Variants in PRKCE observed in about 807,000 individuals in gnomAD.
PRKCE encodes protein kinase C epsilon.
In PRKCE, 16 loss-of-function variants were observed where a neutral mutation model predicts 85.4. The observed-to-expected ratio is 0.19, with a 90% CI of 0.13 to 0.28. PRKCE has a LOEUF of 0.28. Ranked by LOEUF, PRKCE falls within the 10% of genes least tolerant of loss-of-function variation. PRKCE has a pLI of 1.00. For synonymous variants in PRKCE, 388 were observed against 371.5 expected (o/e 1.04, Z -0.51); for missense variants, 573 against 975.2 (o/e 0.59, Z 5.49).
At chr2:45,848,125 C>G (rs896907056) in intron 2 of PRKCE, among the ~76,000 whole-genome samples, 5 of 152,226 alleles carry the variant, frequency 3.3e-5, no homozygotes, top group Admixed American at 3.3e-4. Context: ...TCTCTTGAAA[C>G]TCTGTCTTAG....
intron 10 of PRKCE, among the ~76,000 whole-genome samples, chr2:46,061,398 A>G (rs1667106013): frequency 1.3e-5 from 2 of 151,740 alleles, no homozygotes; most frequent in Non-Finnish European, 2.9e-5. Context: ...GGCGTGAGCC[A>G]TGGTGCCTGG....
intron 11 of PRKCE, among the ~76,000 whole-genome samples, chr2:46,096,303 A>T (rs962769955): frequency 9.2e-5 from 14 of 152,214 alleles, no homozygotes; most frequent in African/African-American, 3.4e-4. Flanking sequence ...GCTGAGTGCA[A>T]TCTTTGACAC....
At chr2:46,038,529 G>T (rs1293648900) in intron 10 of PRKCE, among the ~76,000 whole-genome samples, 1 of 152,018 alleles carries the variant, frequency 6.6e-6, no homozygotes, top group Admixed American at 6.6e-5. Context: ...CTTCAGAAGA[G>T]GCTCGAAAAA....
At chr2:45,963,616 C>T (rs987864194) in intron 2 of PRKCE, among the ~76,000 whole-genome samples, 3 of 152,126 alleles carry the variant, frequency 2.0e-5, no homozygotes, top group Non-Finnish European at 2.9e-5. Context: ...GCCATCTTTA[C>T]CTCTTTTATC....
intron 10 of PRKCE, among the ~76,000 whole-genome samples, chr2:46,063,307 A>G (rs1269386153): frequency 6.6e-6 from 1 of 151,408 alleles, no homozygotes. Context: ...AGTTTCCAGC[A>G]TTGTGTTATA....
At chr2:45,759,074 AT>A (rs2104808330) in intron 1 of PRKCE, among the ~76,000 whole-genome samples, 1 of 152,232 alleles carries the variant, frequency 6.6e-6, no homozygotes, top group East Asian at 1.9e-4. Context: ...TTTATAGGTG[AT>A]TTTGAAGATG....
At chr2:45,949,380 G>A (rs965997738) in intron 2 of PRKCE, among the ~76,000 whole-genome samples, 1 of 139,790 alleles carries the variant, frequency 7.2e-6, no homozygotes, top group African/African-American at 2.6e-5. Context: ...ATTGGCCGAT[G>A]AATTGTTCAT....
At chr2:45,864,026 A>G (rs1251277920) in intron 2 of PRKCE, among the ~76,000 whole-genome samples, 2 of 152,180 alleles carry the variant, frequency 1.3e-5, no homozygotes, top group African/African-American at 4.8e-5. Context: ...TAGAATGGCA[A>G]TAGTAAAACT....
At chr2:46,015,432 C>T (rs1377920313) in intron 10 of PRKCE, among the ~76,000 whole-genome samples, 2 of 152,066 alleles carry the variant, frequency 1.3e-5, no homozygotes, top group Non-Finnish European at 1.5e-5. Flanking sequence ...TCCTGCCAGG[C>T]CTGGGAAGCC....
At chr2:46,018,480 A>T (rs6744578) in intron 10 of PRKCE, among the ~76,000 whole-genome samples, 48,564 of 151,886 alleles carry the variant, frequency 0.32, 8,374 homozygotes, top group Middle Eastern at 0.44. Flanking sequence ...AAAAAAAAAA[A>T]TTTTTTTAAA....
chr2:45,879,569 T>G (rs1358201080), intron 2 of PRKCE, among the ~76,000 whole-genome samples: 1 of 152,196 alleles, frequency 6.6e-6, no homozygotes, highest in African/African-American at 2.4e-5. Flanking sequence ...CTTCAGATGT[T>G]GCAGGTACTC....
intron 2 of PRKCE, among the ~76,000 whole-genome samples, chr2:45,881,903 C>T (rs1694916641): frequency 6.6e-6 from 1 of 152,168 alleles, no homozygotes; most frequent in Non-Finnish European, 1.5e-5. Flanking sequence ...GCTCGAAGAC[C>T]CCTGGAGCAT....
intron 1 of PRKCE, among the ~76,000 whole-genome samples, chr2:45,710,165 G>C (rs562450550): frequency 2.0e-5 from 3 of 152,302 alleles, no homozygotes; most frequent in African/African-American, 7.2e-5. Flanking sequence ...GGACTTTTCT[G>C]TGTATTAACT....
chr2:45,941,483 G>A (rs998147803), intron 2 of PRKCE, among the ~76,000 whole-genome samples: 4 of 152,152 alleles, frequency 2.6e-5, no homozygotes, highest in South Asian at 2.1e-4. Context: ...AACCAGGCAC[G>A]GACGGATGTT....
intron 2 of PRKCE, among the ~76,000 whole-genome samples, chr2:45,857,622 A>T (rs1444561905): frequency 6.6e-6 from 1 of 152,128 alleles, no homozygotes; most frequent in Non-Finnish European, 1.5e-5. Flanking sequence ...TGTGTTGCCC[A>T]TACTGGTCTT....
intron 14 of PRKCE, among the ~76,000 whole-genome samples, chr2:46,173,312 T>G (rs1052177484): frequency 6.6e-6 from 1 of 152,102 alleles, no homozygotes; most frequent in African/African-American, 2.4e-5. Context: ...CAGAGCGGAG[T>G]GGTTATGACA....
chr2:45,669,563 T>C (rs1293879584), intron 1 of PRKCE, among the ~76,000 whole-genome samples: 3 of 152,012 alleles, frequency 2.0e-5, no homozygotes, highest in Admixed American at 2.0e-4. Flanking sequence ...CCCCAAGGTA[T>C]AAAAAAGGGA....
intron 2 of PRKCE, among the ~76,000 whole-genome samples, chr2:45,920,759 A>G (rs575740232): frequency 1.3e-5 from 2 of 152,346 alleles, no homozygotes; most frequent in East Asian, 3.9e-4. Flanking sequence ...GGTGGTCGCT[A>G]AAGAATAAGG....
At chr2:46,119,442 C>T (rs1357680946) in intron 11 of PRKCE, among the ~76,000 whole-genome samples, 3 of 152,058 alleles carry the variant, frequency 2.0e-5, no homozygotes, top group Non-Finnish European at 4.4e-5. Flanking sequence ...AAATTCTTAT[C>T]ATAAATAAAA....
Sources: gnomAD v4.1 joint callset for allele counts (sites outside exome capture counted in the v4.1 genomes callset) on GRCh38, gnomAD v4.1.1 for gene constraint, MANE v1.5 for transcripts, NCBI Gene and HGNC (gene_info 2026-07-23, HGNC 2026-07-21) for gene names.